Variants in TYW1B observed in about 807,000 individuals in gnomAD.
TYW1B encodes S-adenosyl-L-methionine-dependent tRNA 4-demethylwyosine synthase TYW1B.
Under a neutral mutation model 86.9 loss-of-function variants are expected in TYW1B, and 73 were observed. The ratio of observed to expected loss-of-function variants is 0.84; its 90% confidence interval spans 0.70 to 1.02. The LOEUF is 1.02. TYW1B is among the 50% of genes least tolerant of loss of function. TYW1B has a pLI of 0.00. For missense variants in TYW1B, 637 were observed against 827.4 expected (o/e 0.77, Z 2.82); for synonymous variants, 248 against 292.8 (o/e 0.85, Z 1.56).
intron 8 of TYW1B, among the ~76,000 whole-genome samples, chr7:72,729,768 G>T (rs552193955): frequency 6.6e-6 from 1 of 152,150 alleles, no homozygotes; most frequent in South Asian, 2.1e-4. Context: ...CAAGGCCCAA[G>T]GACCATTCTG....
At chr7:72,674,386 T>A (rs572792843) in intron 11 of TYW1B, among the ~76,000 whole-genome samples, 1 of 152,258 alleles carries the variant, frequency 6.6e-6, no homozygotes, top group East Asian at 1.9e-4. Context: ...GAGAAACACT[T>A]ACTAAGCACC....
intron 6 of TYW1B, among the ~76,000 whole-genome samples, chr7:72,788,636 G>T (rs187563121): frequency 6.6e-6 from 1 of 151,674 alleles, no homozygotes; most frequent in East Asian, 2.0e-4. Flanking sequence ...GGGTTCAAGC[G>T]ATTCTCCTGT....
chr7:72,693,409 CTTT>C (rs35021264), intron 11 of TYW1B, among the ~76,000 whole-genome samples: 1 of 129,430 alleles, frequency 7.7e-6, no homozygotes, highest in South Asian at 2.5e-4. Flanking sequence ...TTGCAGACAT[CTTT>C]TTTTTTTTTT....
chr7:72,621,094 G>A (rs1265037988), intron 12 of TYW1B, among the ~76,000 whole-genome samples: 1 of 152,110 alleles, frequency 6.6e-6, no homozygotes, highest in African/African-American at 2.4e-5. Flanking sequence ...CCCAGTGTTG[G>A]GGGTGGAGCC....
intron 9 of TYW1B, among the ~76,000 whole-genome samples, chr7:72,719,319 T>A (rs1285431013): frequency 1.3e-5 from 2 of 151,956 alleles, no homozygotes; most frequent in African/African-American, 4.8e-5. Flanking sequence ...GGCTAATTTT[T>A]TTTAAATTTT....
At chr7:72,751,691 T>C (rs1276261792) in intron 7 of TYW1B, among the ~76,000 whole-genome samples, 2 of 152,248 alleles carry the variant, frequency 1.3e-5, no homozygotes, top group Non-Finnish European at 2.9e-5. Context: ...TTCCTTGGTA[T>C]GGCAAGAGAT....
At chr7:72,582,701 G>A (rs1429988094) in intron 13 of TYW1B, among the ~76,000 whole-genome samples, 2 of 152,138 alleles carry the variant, frequency 1.3e-5, no homozygotes, top group Admixed American at 6.5e-5. Context: ...AGGTAGGTGG[G>A]TAAGTAAGTG....
chr7:72,762,858 C>T (rs1554467443), intron 7 of TYW1B, among the ~76,000 whole-genome samples: 1 of 152,094 alleles, frequency 6.6e-6, no homozygotes, highest in Non-Finnish European at 1.5e-5. Context: ...TGGCATTTCA[C>T]CATGTCGGCC....
rs545043901 is a variant in TYW1B at position 72,698,483 on chromosome 7, A to G, written c.1371-3661T>C. Among the ~76,000 whole-genome samples, 10 of 151,650 alleles carry G rather than the reference A, an allele frequency of 6.6e-5. No homozygotes were observed. In the East Asian group the frequency reaches 1.8e-3, roughly 27 times the overall value. On this transcript the variant is annotated intron_variant, in intron 10 of 13. Coordinates refer to ENST00000620995, the MANE Select transcript of TYW1B (RefSeq NM_001145440.3). Reference sequence around the variant, plus strand: ...AACATGGTGAAACCCCATCTCTACTAAAAAATACAAAAATTAGCCAGGCAT... The same window carrying G: ...AACATGGTGAAACCCCATCTCTACTGAAAAATACAAAAATTAGCCAGGCAT...
chr7:72,647,992 A>C (rs2960985), intron 11 of TYW1B, among the ~76,000 whole-genome samples: 1 of 151,834 alleles, frequency 6.6e-6, no homozygotes, highest in East Asian at 1.9e-4. Flanking sequence ...GGCTGCAAGG[A>C]GTAATTTTTA....
rs566647987 is a variant in TYW1B, at chr7:72,754,062, A to C, written c.965-9461T>G. 1.6e-4 allele frequency among the ~76,000 whole-genome samples: 24 copies of C among 152,190 alleles called. No individual in the cohort carries two copies. In the South Asian group the frequency reaches 4.6e-3, roughly 29 times the overall value. ...ACAAGGGTTATTTCCCTCTCTTATC[A>C]CATATAAACAAGCCTGTCTTGATAT... On this transcript the variant is annotated intron_variant, in intron 7 of 13. Transcript: ENST00000620995.
At chr7:72,627,886 C>G (rs1479158028) in intron 12 of TYW1B, among the ~76,000 whole-genome samples, 3 of 152,162 alleles carry the variant, frequency 2.0e-5, no homozygotes, top group Admixed American at 1.3e-4. Flanking sequence ...GATCCATTTT[C>G]TACAGCAAAG....
intron 6 of TYW1B, among the ~76,000 whole-genome samples, chr7:72,780,334 G>A (rs570727285): frequency 6.6e-6 from 1 of 152,246 alleles, no homozygotes; most frequent in Non-Finnish European, 1.5e-5. Context: ...GAAAGCATTT[G>A]AATTCTCTGA....
chr7:72,691,832 C>A (rs547341737), intron 11 of TYW1B, among the ~76,000 whole-genome samples: 167 of 152,294 alleles, frequency 1.1e-3, no homozygotes, highest in Middle Eastern at 3.4e-3. Flanking sequence ...AAGAAACCCA[C>A]AAAGACTTAA....
intron 10 of TYW1B, among the ~76,000 whole-genome samples, chr7:72,696,178 C>T (rs1351850995): frequency 6.6e-6 from 1 of 152,014 alleles, no homozygotes; most frequent in African/African-American, 2.4e-5. Flanking sequence ...GAACTCCTGA[C>T]CTCAGGTGAT....
chr7:72,660,737 G>C (rs1164475487), intron 11 of TYW1B, among the ~76,000 whole-genome samples: 1 of 151,920 alleles, frequency 6.6e-6, no homozygotes, highest in Non-Finnish European at 1.5e-5. Context: ...AGAGAGAAAG[G>C]GATATAAAAT....
At chr7:72,659,063 C>G (rs1271269371) in intron 11 of TYW1B, among the ~76,000 whole-genome samples, 1 of 152,150 alleles carries the variant, frequency 6.6e-6, no homozygotes, top group African/African-American at 2.4e-5. Flanking sequence ...CATGTATTAC[C>G]TTAATCATTA....
At chr7:72,790,362 G>A (rs2129572276) in intron 6 of TYW1B, among the ~76,000 whole-genome samples, 1 of 152,248 alleles carries the variant, frequency 6.6e-6, no homozygotes, top group Non-Finnish European at 1.5e-5. Context: ...AATTCAGGAG[G>A]AAGAGGGGGT....
chr7:72,809,038 A>G (rs1788548341), intron 4 of TYW1B, among the ~76,000 whole-genome samples: 2 of 131,702 alleles, frequency 1.5e-5, no homozygotes, highest in Non-Finnish European at 3.2e-5. Context: ...TGAAAAATTC[A>G]TGATTTTTTT....
Sources: allele counts gnomAD v4.1 joint callset (sites outside exome capture counted in the v4.1 genomes callset), GRCh38; gene constraint gnomAD v4.1.1; transcripts MANE v1.5; gene names NCBI Gene and HGNC (gene_info 2026-07-23, HGNC 2026-07-21).